The following DUSP29 variants were observed in gnomAD, a reference collection of about 807,000 sequenced individuals.
DUSP29 encodes the protein atypical dual-specific protein phosphatase.
In DUSP29, 12 loss-of-function variants were observed where a neutral mutation model predicts 13.5. The observed-to-expected ratio is 0.89, with a 90% confidence interval of 0.57 to 1.44. DUSP29 has a LOEUF of 1.44. Among genes scored for constraint, DUSP29 ranks in the 40% most tolerant of loss-of-function variants. The pLI, the probability that DUSP29 is intolerant of heterozygous loss-of-function variation, is 0.00. For missense variants in DUSP29, 308 were observed against 301.1 expected, an observed-to-expected ratio of 1.02 and a Z score of -0.17; for synonymous variants, 134 against 128.7, an observed-to-expected ratio of 1.04 and a Z score of -0.28.
chr10:75,067,898 C>T (rs775025343), intron 1 of DUSP29, among the ~76,000 whole-genome samples: 20 of 152,068 alleles, frequency 1.3e-4, no homozygotes, highest in Non-Finnish European at 2.1e-4. Context: ...CTGCAACCTC[C>T]GCCTCCCAGA....
chr10:75,071,045 G>A (rs989343996), intron 1 of DUSP29, among the ~76,000 whole-genome samples: 1 of 152,194 alleles, frequency 6.6e-6, no homozygotes, highest in Non-Finnish European at 1.5e-5. Flanking sequence ...AGGAGTAGGA[G>A]AGTGAGATGC....
intron 3 of DUSP29, among the ~76,000 whole-genome samples, chr10:75,042,180 G>A (rs1029936127): frequency 3.9e-5 from 6 of 152,198 alleles, no homozygotes; most frequent in Non-Finnish European, 8.8e-5. Flanking sequence ...AACCTCTGAA[G>A]GTAAATATTT....
intron 3 of DUSP29, among the ~76,000 whole-genome samples, chr10:75,039,060 G>C (rs1846531692): frequency 6.6e-6 from 1 of 152,130 alleles, no homozygotes; most frequent in Admixed American, 6.5e-5. Flanking sequence ...CCATCACAGG[G>C]GCCAGCACTA....
At chr10:75,062,715 G>A (rs936803855) in intron 1 of DUSP29, among the ~76,000 whole-genome samples, 2 of 152,176 alleles carry the variant, frequency 1.3e-5, no homozygotes, top group African/African-American at 4.8e-5. Flanking sequence ...GAGGCCAGGA[G>A]CATCTGTTTC....
intron 1 of DUSP29, among the ~76,000 whole-genome samples, chr10:75,067,249 T>C (rs1480987750): frequency 6.6e-6 from 1 of 152,144 alleles, no homozygotes; most frequent in African/African-American, 2.4e-5. Context: ...CGTGAGCCAC[T>C]GCACCCGGCC....
intron 1 of DUSP29, among the ~76,000 whole-genome samples, chr10:75,072,232 T>C (rs991716697): frequency 6.6e-6 from 1 of 152,182 alleles, no homozygotes; most frequent in African/African-American, 2.4e-5. Flanking sequence ...ACAAGCCGCC[T>C]ATAGACAGCA....
chr10:75,051,488 T>A (rs1033118185), intron 2 of DUSP29, among the ~76,000 whole-genome samples: 1 of 152,320 alleles, frequency 6.6e-6, no homozygotes, highest in East Asian at 1.9e-4. Flanking sequence ...CCGCTCCACC[T>A]ATCTCCACAA....
intron 1 of DUSP29, among the ~76,000 whole-genome samples, chr10:75,064,501 C>T (rs1156778490): frequency 5.3e-5 from 8 of 152,054 alleles, no homozygotes; most frequent in East Asian, 1.9e-4. Context: ...AGCGAGACTC[C>T]GTCTCAGAAA....
chr10:75,069,349 C>T (rs757404966), intron 1 of DUSP29, among the ~76,000 whole-genome samples: 1 of 152,184 alleles, frequency 6.6e-6, no homozygotes, highest in African/African-American at 2.4e-5. Flanking sequence ...GATGTCTGAC[C>T]AGGCCCGTTG....
chr10:75,053,166 A>T (rs1402456279), intron 2 of DUSP29, among the ~76,000 whole-genome samples: 1 of 152,220 alleles, frequency 6.6e-6, no homozygotes, highest in Non-Finnish European at 1.5e-5. Context: ...CTATTAGACT[A>T]GCACAGCTAA....
rs186851919 is a variant in DUSP29, at chr10:75,047,561, C to T, written c.201-3544G>A. 8.4e-3 allele frequency among the ~76,000 whole-genome samples: 1,273 copies of T among 152,254 alleles called. 16 individuals are homozygous for T. The highest frequency in any genetic ancestry group is 0.013 in the Non-Finnish European group (863 of 68,018). On this transcript the variant is annotated intron_variant, in intron 2 of 3. Transcript: ENST00000338487. ...GAGGTGATGGGCATGGAGAAAAGGC[C>T]GTGTGCCCCACTCCTGGGTCCACAT...
chr10:75,058,397 C>A lies in DUSP29; in HGVS notation c.118G>T (p.Glu40Ter). Residue 40 changes from glutamate to a stop codon, truncating the protein, a stop_gained, in exon 2 of 4, where the codon GAG becomes TAG. Transcript: ENST00000338487. LOFTEE classifies it high-confidence loss of function. ...CCCTTCCAGAAGAGCCGCTCCAGCT[C>A]AAAGGCTCCAGGGGTGCAGTAGTCC... ...EEDYCTPGAFELERLFWKGSP... is the reference protein window; with the variant it reads ...EEDYCTPGAF 6.2e-7 allele frequency: 1 copy of A among 1,614,244 alleles called. No individual in the cohort carries two copies. The highest frequency in any genetic ancestry group is 8.5e-7 in the Non-Finnish European group (1 of 1,180,046).
chr10:75,049,465 G>A (rs543217284), intron 2 of DUSP29, among the ~76,000 whole-genome samples: 6 of 152,236 alleles, frequency 3.9e-5, no homozygotes, highest in Admixed American at 6.5e-5. Flanking sequence ...CTGCTAAGCC[G>A]TGTTCTGGCA....
chr10:75,039,758 A>C (rs1329791347), intron 3 of DUSP29, among the ~76,000 whole-genome samples: 1 of 152,150 alleles, frequency 6.6e-6, no homozygotes, highest in African/African-American at 2.4e-5. Context: ...GTAACTTGCA[A>C]AGAAATTCTG....
intron 1 of DUSP29, among the ~76,000 whole-genome samples, chr10:75,063,164 G>C (rs1204395761): frequency 6.6e-6 from 1 of 152,200 alleles, no homozygotes; most frequent in African/African-American, 2.4e-5. Flanking sequence ...CTCCATTAAG[G>C]GGGCAGCAGC....
At chr10:75,049,419 A>G (rs1263837682) in intron 2 of DUSP29, among the ~76,000 whole-genome samples, 3 of 152,224 alleles carry the variant, frequency 2.0e-5, no homozygotes, top group Admixed American at 6.5e-5. Context: ...TTGCCTAACC[A>G]TGCAAGGAGA....
intron 2 of DUSP29, among the ~76,000 whole-genome samples, chr10:75,056,921 C>T: frequency 6.6e-6 from 1 of 152,234 alleles, no homozygotes. Context: ...GGGATGCTTA[C>T]CCTGGATCTT....
intron 1 of DUSP29, among the ~76,000 whole-genome samples, chr10:75,071,862 G>A (rs1039368787): frequency 7.9e-5 from 12 of 152,218 alleles, no homozygotes; most frequent in Non-Finnish European, 5.9e-5. Context: ...CCGGCTGGAC[G>A]TACTGAGGAA....
At chr10:75,061,624 G>A (rs1029845045) in intron 1 of DUSP29, among the ~76,000 whole-genome samples, 1 of 152,150 alleles carries the variant, frequency 6.6e-6, no homozygotes, top group Non-Finnish European at 1.5e-5. Flanking sequence ...AGGGTGCTGC[G>A]GAGTCAAGGG....
Sources: allele counts gnomAD v4.1 joint callset (sites outside exome capture counted in the v4.1 genomes callset), GRCh38; gene constraint gnomAD v4.1.1; transcripts MANE v1.5; gene names NCBI Gene and HGNC (gene_info 2026-07-23, HGNC 2026-07-21).